Variants in JPH2 observed in about 807,000 individuals in gnomAD.
The protein encoded by JPH2 is junctophilin-2.
JPH2 carries 38 observed loss-of-function variants against 55.9 expected under a neutral mutation model. The ratio of observed to expected loss-of-function variants is 0.68; its 90% CI spans 0.52 to 0.89. The LOEUF (loss-of-function observed/expected upper bound fraction) is 0.89. JPH2 is among the 40% of genes least tolerant of loss of function. JPH2 has a pLI of 0.00. For missense variants in JPH2, 964 were observed against 1,037.6 expected, an observed-to-expected ratio of 0.93 and a Z score of 0.97; for synonymous variants, 480 against 472.4, an observed-to-expected ratio of 1.02 and a Z score of -0.21.
At chr20:44,169,233 G>A (rs6103666) in intron 1 of JPH2, among the ~76,000 whole-genome samples, 32,097 of 149,068 alleles carry the variant, frequency 0.22, 3,807 homozygotes, top group Non-Finnish European at 0.27. Flanking sequence ...CTGGAGTGCA[G>A]TAGTGTGATC....
At chr20:44,124,631 C>G (rs2072262954) in intron 2 of JPH2, among the ~76,000 whole-genome samples, 2 of 149,612 alleles carry the variant, frequency 1.3e-5, no homozygotes, top group South Asian at 4.3e-4. Context: ...CTGGGCAACA[C>G]AGCAAGATCC....
chr20:44,169,523 G>T (rs1569215850), intron 1 of JPH2, among the ~76,000 whole-genome samples: 1 of 152,110 alleles, frequency 6.6e-6, no homozygotes, highest in Non-Finnish European at 1.5e-5. Context: ...AAGACACCAA[G>T]GAAAAGCTGG....
intron 5 of JPH2, among the ~76,000 whole-genome samples, chr20:44,113,854 T>C (rs558474276): frequency 6.6e-6 from 1 of 152,324 alleles, no homozygotes; most frequent in East Asian, 1.9e-4. Context: ...AGAGCCCCTG[T>C]TGAAACATGG....
At chr20:44,183,249 C>T (rs2072801912) in intron 1 of JPH2, among the ~76,000 whole-genome samples, 1 of 152,236 alleles carries the variant, frequency 6.6e-6, no homozygotes, top group Admixed American at 6.5e-5. Context: ...TGCTGTGTCT[C>T]CAGTGCCTAG....
chr20:44,174,087 C>T (rs1258334318), intron 1 of JPH2, among the ~76,000 whole-genome samples: 2 of 152,172 alleles, frequency 1.3e-5, no homozygotes, highest in South Asian at 2.1e-4. Flanking sequence ...TCACCACTTC[C>T]GCAGGTAGCC....
At chr20:44,166,326 C>A (rs1212281814) in intron 1 of JPH2, among the ~76,000 whole-genome samples, 1 of 152,190 alleles carries the variant, frequency 6.6e-6, no homozygotes. Context: ...CCGTGTCTGG[C>A]TATGCTCCTC....
chr20:44,116,253 C>A lies in JPH2; in HGVS notation c.1422G>T (p.Glu474Asp). ...QPPRESPQLH[E>D]RETPRPEGGS... Reference sequence around the variant, plus strand: ...CACCCTCGGGCCGAGGGGTCTCACGCTCGTGCAGCTGCGGGCTCTCGCGGG... The same window carrying A: ...CACCCTCGGGCCGAGGGGTCTCACGATCGTGCAGCTGCGGGCTCTCGCGGG... The change falls in exon 4 of 6, where the codon GAG becomes GAT. Residue 474 changes from glutamate to aspartate, a missense_variant. Glu to Asp is a conservative substitution (Grantham distance 45). Coordinates refer to ENST00000372980, the MANE Select transcript of JPH2 (RefSeq NM_020433.5). 6.6e-7 allele frequency: 1 copy of A among 1,510,302 alleles called. No homozygotes were observed. The highest frequency in any genetic ancestry group is 8.8e-7 in the Non-Finnish European group (1 of 1,135,080). 93.6% of individuals were successfully genotyped at this position (1,510,302 alleles called of 1,614,324 possible).
At chr20:44,177,907 T>C (rs1175680856) in intron 1 of JPH2, 4 of 1,509,686 alleles carry the variant, frequency 2.6e-6, no homozygotes, top group Non-Finnish European at 3.7e-6. Flanking sequence ...CCAGGCATGA[T>C]GCTCAGTGCT....
At chr20:44,133,216 C>T (rs2072337052) in intron 2 of JPH2, among the ~76,000 whole-genome samples, 1 of 147,342 alleles carries the variant, frequency 6.8e-6, no homozygotes, top group African/African-American at 2.5e-5. Context: ...GCAAACAGCA[C>T]CTTCTTTAAA....
chr20:44,124,110 G>A (rs769734464), intron 2 of JPH2, among the ~76,000 whole-genome samples: 10 of 152,110 alleles, frequency 6.6e-5, no homozygotes, highest in East Asian at 1.9e-4. Context: ...ATTAACTTTC[G>A]TCAGCAGGGT....
intron 2 of JPH2, among the ~76,000 whole-genome samples, chr20:44,155,825 C>T (rs62204497): frequency 0.26 from 38,904 of 151,992 alleles, 5,166 homozygotes; most frequent in Admixed American, 0.35. Context: ...CACTTGAGTC[C>T]AGGAGTTCGA....
rs140037280 is a variant in JPH2, at chr20:44,170,768, A to G, written c.380-10361T>C. On this transcript the variant is annotated intron_variant, in intron 1 of 5. Transcript: ENST00000372980. ...TCTTCAGATAGACCTGACTCTGAATATCTCTTTAATTTTGCTCAATATATT... is the reference window on the plus strand; with the variant it reads ...TCTTCAGATAGACCTGACTCTGAATGTCTCTTTAATTTTGCTCAATATATT... Among the ~76,000 whole-genome samples the G allele has an allele frequency of 1.9e-4, 29 of 152,366 alleles. No individual in the cohort carries two copies. The East Asian group carries it at 5.2e-3, about 27-fold the overall frequency.
chr20:44,139,148 T>C (rs983043807), intron 2 of JPH2, among the ~76,000 whole-genome samples: 10 of 152,174 alleles, frequency 6.6e-5, no homozygotes, highest in African/African-American at 1.7e-4. Flanking sequence ...GCCGGCTTTT[T>C]TCCCCCCAAG....
chr20:44,138,609 C>T (rs2072434448), intron 2 of JPH2, among the ~76,000 whole-genome samples: 1 of 151,930 alleles, frequency 6.6e-6, no homozygotes, highest in South Asian at 2.1e-4. Context: ...TCTCAAACTC[C>T]TGGCCTCAAG....
chr20:44,114,630 T>C (rs1360954874), intron 5 of JPH2, among the ~76,000 whole-genome samples, 152 bp downstream of exon 5: 1 of 151,206 alleles, frequency 6.6e-6, no homozygotes, highest in African/African-American at 2.4e-5. Context: ...CAAATCACAC[T>C]CTAGGTCTTG....
intron 2 of JPH2, among the ~76,000 whole-genome samples, chr20:44,139,971 A>C (rs1262082003): frequency 4.6e-5 from 7 of 152,130 alleles, no homozygotes; most frequent in Non-Finnish European, 1.0e-4. Flanking sequence ...TCCTGGGTTC[A>C]AGTGATTCTC....
chr20:44,150,137 G>T (rs1320111798), intron 2 of JPH2, among the ~76,000 whole-genome samples: 1 of 152,062 alleles, frequency 6.6e-6, no homozygotes, highest in African/African-American at 2.4e-5. Flanking sequence ...ACAGGAAAGA[G>T]AGAAACAAGT....
chr20:44,133,242 C>G (rs6073347), intron 2 of JPH2, among the ~76,000 whole-genome samples: 1 of 148,406 alleles, frequency 6.7e-6, no homozygotes, highest in Admixed American at 6.8e-5. Flanking sequence ...CCCAATTAAA[C>G]CCTTGCAATA....
chr20:44,128,361 G>A (rs1405109549), intron 2 of JPH2, among the ~76,000 whole-genome samples: 1 of 152,180 alleles, frequency 6.6e-6, no homozygotes, highest in Non-Finnish European at 1.5e-5. Flanking sequence ...GGCACAGGGA[G>A]GTTAGATCAT....
Sources: gnomAD v4.1 joint callset for allele counts (sites outside exome capture counted in the v4.1 genomes callset) on GRCh38, gnomAD v4.1.1 for gene constraint, MANE v1.5 for transcripts, NCBI Gene and HGNC (gene_info 2026-07-23, HGNC 2026-07-21) for gene names.